VPS72: variants seen among roughly 807,000 people sequenced by gnomAD.
The protein encoded by VPS72 is vacuolar protein sorting 72 homolog.
VPS72 carries 27 observed loss-of-function variants against 38.9 expected under a neutral mutation model. The ratio of observed to expected loss-of-function variants is 0.69; its 90% CI spans 0.51 to 0.96. The LOEUF is 0.96. Among genes scored for constraint, VPS72 ranks in the 40% least tolerant of loss-of-function variants. The probability of loss-of-function intolerance (pLI) is 0.00; values close to 1 mark genes in which losing one functional copy is unlikely to be tolerated. For missense variants in VPS72, 360 were observed against 479.5 expected (o/e 0.75, Z 2.33); for synonymous variants, 173 against 186.3 (o/e 0.93, Z 0.58).
At position 151,184,465 on chromosome 1, in the gene VPS72, A is replaced by G; in HGVS notation, c.414T>C (p.Ala138=). The G allele has an allele frequency of 2.5e-6, 4 of 1,613,760 alleles. No individual in the cohort carries two copies. Among genetic ancestry groups the G allele is most frequent in the South Asian group, 2.2e-5 (2 of 91,086 alleles). ...GAAGGAACGTTTGTCGTGTATGCTC[A>G]GCTGTAGACTGACGCATAGACTTCC... is the stretch of plus-strand genomic sequence containing the variant. ...DSRKSMRQST[A]EHTRQTFLRV... Residue 138 remains alanine, a synonymous_variant, in exon 4 of 6, where the codon GCT becomes GCC. Transcript: ENST00000368892.
intron 4 of VPS72, among the ~76,000 whole-genome samples, chr1:151,181,738 C>G (rs1289238615): frequency 6.6e-6 from 1 of 152,126 alleles, no homozygotes; most frequent in African/African-American, 2.4e-5. Flanking sequence ...CTCAATATCC[C>G]ACATCAATAA....
At position 151,176,958 on chromosome 1, in the gene VPS72, A is replaced by G; in HGVS notation, c.781T>C (p.Cys261Arg). 1.2e-6 allele frequency: 2 copies of G among 1,611,422 alleles called. No individual in the cohort carries two copies. Among genetic ancestry groups the G allele is most frequent in the South Asian group, 2.2e-5 (2 of 90,902 alleles). ...CTAAAAGTGATGAAGGTACGTGAGCAGCGAGCAGGGGGGTTGACGGGTCCA... is the reference window on the plus strand; with the variant it reads ...CTAAAAGTGATGAAGGTACGTGAGCGGCGAGCAGGGGGGTTGACGGGTCCA... ...GTGPVNPPAR[C>R]SRTFITFSDD... The change falls in exon 6 of 6, where the codon TGC (cysteine) becomes CGC (arginine). Residue 261 changes from cysteine to arginine, a missense_variant. By Grantham distance (180) the Cys-to-Arg change is radical (BLOSUM62 -3). Coordinates refer to ENST00000368892, the MANE Select transcript of VPS72 (RefSeq NM_005997.3).
chr1:151,186,447 T>G (rs1222020670), intron 1 of VPS72, among the ~76,000 whole-genome samples: 3 of 151,834 alleles, frequency 2.0e-5, no homozygotes, highest in Non-Finnish European at 4.4e-5. Flanking sequence ...TAGTCCCAGC[T>G]ACTTGGGAGG....
In VPS72 at chr1:151,184,394, T is replaced by C. The variant is rs747797090; in HGVS notation, c.485A>G (p.His162Arg). Residue 162 changes from histidine (H) to arginine (R), a missense_variant, in exon 4 of 6, where the codon CAC becomes CGC. Around this residue, in one of 2 missense-constraint regions of VPS72, gnomAD observed 294 missense variants for 356.3 expected, o/e 0.83. Coordinates refer to ENST00000368892, the MANE Select transcript of VPS72 (RefSeq NM_005997.3). ...CTCCTGGGTTAGTGGCCGCTCACAG[T>C]GGGGCCCCTTTCGCCGTCTTGACTG... Reference protein sequence around the residue: ...QGQSRRRKGPHCERPLTQEEL... With the variant: ...QGQSRRRKGPRCERPLTQEEL... The C allele has an allele frequency of 1.9e-6, 3 of 1,614,128 alleles. No individual in the cohort carries two copies. Among genetic ancestry groups the C allele is most frequent in the Admixed American group, 3.3e-5 (2 of 59,996 alleles).
At position 151,189,917 on chromosome 1, in the gene VPS72, C is replaced by T. The variant is rs1024684154; in HGVS notation, c.117+88G>A. 20 of 1,474,886 alleles carry T rather than the reference C, an allele frequency of 1.4e-5. No homozygotes were observed. The African/African-American group carries it at 2.8e-4, about 21-fold the overall frequency. The allele number at this position is 1,474,886 out of a possible 1,614,324, so 91.4% of individuals were successfully genotyped here. A position where few individuals can be genotyped will look rare whatever the true frequency, so the allele number is the denominator to read the frequency against. ...TCAGCTCCCAGAGCTCCTCTCTATTCCCCGCCCTCTTCTTCTTTGTCCGGG... is the reference window on the plus strand; with the variant it reads ...TCAGCTCCCAGAGCTCCTCTCTATTTCCCGCCCTCTTCTTCTTTGTCCGGG... On this transcript the variant is annotated intron_variant, in intron 1 of 5. Coordinates refer to ENST00000368892, the MANE Select transcript of VPS72 (RefSeq NM_005997.3).
At chr1:151,183,442 A>G (rs1166424614) in intron 4 of VPS72, among the ~76,000 whole-genome samples, 2 of 149,956 alleles carry the variant, frequency 1.3e-5, no homozygotes, top group Admixed American at 6.7e-5. Flanking sequence ...AAAAAAAAAA[A>G]AAGAAAGGAA....
At chr1:151,178,285 T>A (rs1684162071) in intron 4 of VPS72, 140 bp from the exon 5 acceptor site, 2 of 1,179,894 alleles carry the variant, frequency 1.7e-6, no homozygotes, top group African/African-American at 1.6e-5. Context: ...GGAAGTCCCC[T>A]AAGGCCGTCT....
At chr1:151,177,387 CAAA>C (rs11350080) in intron 5 of VPS72, among the ~76,000 whole-genome samples, 15 of 102,900 alleles carry the variant, frequency 1.5e-4, no homozygotes, top group Admixed American at 1.0e-4. Flanking sequence ...GACTCCATCT[CAAA>C]AAAAAAAAAA....
At chr1:151,182,259 C>G (rs587711618) in intron 4 of VPS72, among the ~76,000 whole-genome samples, 1 of 151,998 alleles carries the variant, frequency 6.6e-6, no homozygotes, top group African/African-American at 2.4e-5. Context: ...GAACTCCTGA[C>G]CTCAGATGAT....
intron 4 of VPS72, among the ~76,000 whole-genome samples, chr1:151,180,130 T>A (rs113356050): frequency 6.6e-6 from 1 of 151,664 alleles, no homozygotes; most frequent in Non-Finnish European, 1.5e-5. Context: ...ACAGACCTGG[T>A]CAACATGGTG....
intron 2 of VPS72, 77 bp from the exon 3 acceptor site, chr1:151,185,697 T>C: frequency 6.2e-7 from 1 of 1,608,284 alleles, no homozygotes; most frequent in Non-Finnish European, 8.5e-7. Context: ...GAGAGAAAAC[T>C]AGCATTGCCA....
At chr1:151,186,358 A>G (rs1217730042) in intron 1 of VPS72, among the ~76,000 whole-genome samples, 1 of 152,040 alleles carries the variant, frequency 6.6e-6, no homozygotes, top group Non-Finnish European at 1.5e-5. Context: ...CAGGAGTTCG[A>G]GACCAGCCTG....
In VPS72 at chr1:151,178,129, G is replaced by A. The variant is rs1317512705; in HGVS notation, c.579C>T (p.Leu193=). 1.9e-6 allele frequency: 3 copies of A among 1,613,832 alleles called. No individual in the cohort carries two copies. The highest frequency in any genetic ancestry group is 2.7e-5 in the African/African-American group (2 of 74,986). The change falls in exon 5 of 6, where the codon CTC becomes CTT. Residue 193 remains leucine, a synonymous_variant. Coordinates refer to ENST00000368892, the MANE Select transcript of VPS72 (RefSeq NM_005997.3). ...NLRSLETYER[L]EADKKKQVHK... is the part of the protein sequence containing the mutation. Reference sequence around the variant, plus strand: ...GAACCTGCTTCTTTTTATCAGCCTCGAGCCGCTCATATGTCTCTTTAGGGT... The same window carrying A: ...GAACCTGCTTCTTTTTATCAGCCTCAAGCCGCTCATATGTCTCTTTAGGGT...
At chr1:151,181,882 T>C (rs587639567) in intron 4 of VPS72, among the ~76,000 whole-genome samples, 1 of 152,120 alleles carries the variant, frequency 6.6e-6, no homozygotes, top group Non-Finnish European at 1.5e-5. Flanking sequence ...AACCTACAAC[T>C]GTAAGCCACA....
chr1:151,188,967 C>T (rs1386552588), intron 1 of VPS72, among the ~76,000 whole-genome samples: 2 of 152,086 alleles, frequency 1.3e-5, no homozygotes, highest in Non-Finnish European at 2.9e-5. Context: ...GTAGCTGGGA[C>T]TATAGGCGCA....
Position 151,185,544 on chromosome 1 carries a change from G to A in VPS72, c.347C>T (p.Ala116Val). Reference protein sequence around the residue: ...GSSQKAREEKALLPLELQDDG... With the variant: ...GSSQKAREEKVLLPLELQDDG... Reference sequence around the variant, plus strand: ...ATCTTGTAGTTCTAATGGCAGTAGTGCCTTCTCTTCTCGCGCCTTCTGAGA... The same window carrying A: ...ATCTTGTAGTTCTAATGGCAGTAGTACCTTCTCTTCTCGCGCCTTCTGAGA... The change falls in exon 3 of 6, where the codon GCA (alanine) becomes GTA (valine). Residue 116 changes from alanine (A) to valine (V), a missense_variant. Ala to Val is a moderately conservative substitution (Grantham distance 64). Transcript: ENST00000368892. 6.2e-7 allele frequency: 1 copy of A among 1,614,126 alleles called. No homozygotes were observed. The highest frequency in any genetic ancestry group is 8.5e-7 in the Non-Finnish European group (1 of 1,180,022).
At chr1:151,188,043 T>A (rs587619169) in intron 1 of VPS72, among the ~76,000 whole-genome samples, 2 of 150,118 alleles carry the variant, frequency 1.3e-5, no homozygotes, top group African/African-American at 4.9e-5. Flanking sequence ...GTCAGTGATG[T>A]GGGTTTTTTT....
At chr1:151,189,535 A>G (rs1460290800) in intron 1 of VPS72, among the ~76,000 whole-genome samples, 1 of 152,186 alleles carries the variant, frequency 6.6e-6, no homozygotes, top group Admixed American at 6.5e-5. Flanking sequence ...CTGAGAAAAC[A>G]TTTACACTGA....
At chr1:151,188,082 G>A (rs1022259489) in intron 1 of VPS72, among the ~76,000 whole-genome samples, 3 of 150,368 alleles carry the variant, frequency 2.0e-5, no homozygotes, top group Non-Finnish European at 4.4e-5. Context: ...TCACTCTGTC[G>A]CCCAGGCTGG....
Sources: allele counts gnomAD v4.1 joint callset (sites outside exome capture counted in the v4.1 genomes callset), GRCh38; gene constraint gnomAD v4.1.1; regional missense constraint gnomAD v4.1.1; transcripts MANE v1.5; gene names NCBI Gene and HGNC (gene_info 2026-07-23, HGNC 2026-07-21).